BARX2: variants seen among roughly 807,000 people sequenced by gnomAD.
BARX2 encodes BARX homeobox 2, also known as homeobox protein BarH-like 2.
A neutral mutation model predicts 25.5 loss-of-function variants in BARX2; 11 were observed. The observed-to-expected ratio is 0.43, with a 90% confidence interval of 0.27 to 0.71. The LOEUF (loss-of-function observed/expected upper bound fraction) is 0.71, where lower values mean the gene tolerates loss of function less well. Ranked by LOEUF, BARX2 falls within the 30% of genes least tolerant of loss-of-function variation. BARX2 has a pLI of 0.19. For synonymous variants in BARX2, 137 were observed against 149.5 expected, an observed-to-expected ratio of 0.92 and a Z score of 0.61; for missense variants, 360 against 359.9, an observed-to-expected ratio of 1.00 and a Z score of 0.00.
chr11:129,397,742 G>A (rs1861736709), intron 1 of BARX2, among the ~76,000 whole-genome samples: 1 of 152,216 alleles, frequency 6.6e-6, no homozygotes, highest in Admixed American at 6.5e-5. Flanking sequence ...ATTCCATGAT[G>A]GGGGAAGGTG....
At chr11:129,388,719 C>A (rs951590158) in intron 1 of BARX2, among the ~76,000 whole-genome samples, 33 of 152,098 alleles carry the variant, frequency 2.2e-4, no homozygotes, top group African/African-American at 7.5e-4. Flanking sequence ...TTTTAAAAAC[C>A]TTTCTGTATG....
At chr11:129,446,050 C>T (rs1490549333) in intron 3 of BARX2, among the ~76,000 whole-genome samples, 8 of 152,142 alleles carry the variant, frequency 5.3e-5, no homozygotes, top group Admixed American at 5.2e-4. Context: ...GCATCTCTGA[C>T]GAATTCTGAC....
At chr11:129,442,577 T>A in intron 2 of BARX2, 1 of 473,574 alleles carries the variant, frequency 2.1e-6, no homozygotes, top group Admixed American at 3.3e-5. Context: ...TCAGGTCCCT[T>A]GCAGACCGTG....
intron 1 of BARX2, among the ~76,000 whole-genome samples, chr11:129,417,939 A>G (rs1861962731): frequency 6.6e-6 from 1 of 152,254 alleles, no homozygotes; most frequent in South Asian, 2.1e-4. Context: ...CAGTTTAAAA[A>G]TAGATACTTT....
At chr11:129,393,377 G>T (rs189304282) in intron 1 of BARX2, among the ~76,000 whole-genome samples, 1 of 152,270 alleles carries the variant, frequency 6.6e-6, no homozygotes, top group Admixed American at 6.5e-5. Context: ...AGAGTAGATA[G>T]ATCCTCAGTA....
At chr11:129,432,182 C>T (rs2135409343) in intron 1 of BARX2, among the ~76,000 whole-genome samples, 1 of 152,210 alleles carries the variant, frequency 6.6e-6, no homozygotes, top group Middle Eastern at 3.4e-3. Flanking sequence ...TATGACTCAG[C>T]CTCACAAGTA....
chr11:129,432,551 GT>G (rs1452300071), intron 1 of BARX2, among the ~76,000 whole-genome samples: 1 of 152,092 alleles, frequency 6.6e-6, no homozygotes, highest in Non-Finnish European at 1.5e-5. Flanking sequence ...CACCCACAAT[GT>G]TTGTTTTACT....
Position 129,375,961 on chromosome 11 carries a change from C to A in BARX2, c.-75C>A. The A allele has an allele frequency of 1.1e-6, 1 of 936,928 alleles. No homozygotes were observed. The highest frequency in any genetic ancestry group is 1.3e-6 in the Non-Finnish European group (1 of 777,516). 58.0% of individuals were successfully genotyped at this position (936,928 alleles called of 1,614,324 possible). Reference sequence around the variant, plus strand: ...GAGCGGGGCCCAGGCCCCGCCGTCGCGCCAGCCCCGCGGCCCCAGCGGGCC... The same window carrying A: ...GAGCGGGGCCCAGGCCCCGCCGTCGAGCCAGCCCCGCGGCCCCAGCGGGCC... On this transcript the variant is annotated 5_prime_UTR_variant, in exon 1 of 4. Transcript: ENST00000281437. The surrounding 1 kb of genome is among the most constrained non-coding windows in gnomAD (Gnocchi z 4.0).
In BARX2 at chr11:129,422,760, A is replaced by G. The variant is rs201678610; in HGVS notation, c.188-13991A>G. Reference sequence around the variant, plus strand: ...CTCTTTTCGCCCGGACTGGAGTGCAATGGCACCATCTCGGCTCACGGAAAC... The same window carrying G: ...CTCTTTTCGCCCGGACTGGAGTGCAGTGGCACCATCTCGGCTCACGGAAAC... On this transcript the variant is annotated intron_variant, in intron 1 of 3. Transcript: ENST00000281437. Among the ~76,000 whole-genome samples, 15 of 148,782 alleles carry G rather than the reference A, an allele frequency of 1.0e-4. No homozygotes were observed. In the East Asian group the frequency reaches 1.2e-3, roughly 12 times the overall value.
intron 1 of BARX2, among the ~76,000 whole-genome samples, chr11:129,379,723 T>C (rs1365083210): frequency 6.6e-6 from 1 of 152,136 alleles, no homozygotes; most frequent in African/African-American, 2.4e-5. Context: ...ATAAGGATTG[T>C]TACAATTACC....
At chr11:129,402,713 C>T (rs73569135) in intron 1 of BARX2, among the ~76,000 whole-genome samples, 68 of 152,332 alleles carry the variant, frequency 4.5e-4, no homozygotes, top group African/African-American at 1.4e-3. Flanking sequence ...GGTTAACTCT[C>T]TTTGTCTCAG....
At chr11:129,378,983 A>G (rs1256237832) in intron 1 of BARX2, among the ~76,000 whole-genome samples, 2 of 152,198 alleles carry the variant, frequency 1.3e-5, no homozygotes, top group Non-Finnish European at 2.9e-5. Flanking sequence ...TTTTCATCTC[A>G]GGCAGATAAT....
At chr11:129,400,305 G>GTAA (rs1861762741) in intron 1 of BARX2, among the ~76,000 whole-genome samples, 1 of 152,150 alleles carries the variant, frequency 6.6e-6, no homozygotes, top group African/African-American at 2.4e-5. Context: ...TGTGAAAAAG[G>GTAA]TAATAAGCAT....
In BARX2 at chr11:129,395,258, A is replaced by G. The variant is rs78832725; in HGVS notation, c.187+19036A>G. Among the ~76,000 whole-genome samples the G allele has an allele frequency of 7.5e-3, 1,136 of 152,262 alleles. 18 individuals are homozygous for G. Among genetic ancestry groups the G allele is most frequent in the African/African-American group, 0.026 (1,069 of 41,528 alleles). ...TGTGCCGAGCCTAGAGAGTCTATTTAGTTCCCGTAGGCTGGTTTCTGGGAT... is the reference window on the plus strand; with the variant it reads ...TGTGCCGAGCCTAGAGAGTCTATTTGGTTCCCGTAGGCTGGTTTCTGGGAT... On this transcript the variant is annotated intron_variant, in intron 1 of 3. Coordinates refer to ENST00000281437, the MANE Select transcript of BARX2 (RefSeq NM_003658.5).
intron 1 of BARX2, among the ~76,000 whole-genome samples, chr11:129,404,415 A>G (rs1049440355): frequency 2.0e-5 from 3 of 152,254 alleles, no homozygotes; most frequent in Non-Finnish European, 2.9e-5. Context: ...AGGGTGACAC[A>G]TAGCAGAGAT....
intron 1 of BARX2, among the ~76,000 whole-genome samples, chr11:129,428,071 C>CAGTTATGT (rs1862086620): frequency 6.6e-6 from 1 of 152,176 alleles, no homozygotes; most frequent in South Asian, 2.1e-4. Context: ...TATGTGATCT[C>CAGTTATGT]CATCCCAGAG....
chr11:129,399,661 G>C (rs1278530566), intron 1 of BARX2, among the ~76,000 whole-genome samples: 2 of 152,152 alleles, frequency 1.3e-5, no homozygotes, highest in Non-Finnish European at 2.9e-5. Context: ...GCAGAGCAAG[G>C]CTACCCCATA....
intron 1 of BARX2, among the ~76,000 whole-genome samples, chr11:129,421,881 T>C (rs1862007901): frequency 6.6e-6 from 1 of 152,238 alleles, no homozygotes; most frequent in Non-Finnish European, 1.5e-5. Flanking sequence ...TTGGCAAATT[T>C]GTATACTTTT....
chr11:129,410,851 G>A (rs1861879285), intron 1 of BARX2, among the ~76,000 whole-genome samples: 1 of 152,164 alleles, frequency 6.6e-6, no homozygotes, highest in Non-Finnish European at 1.5e-5. Flanking sequence ...GCCCTCTGCT[G>A]TGCCTGACTC....
Sources: allele counts gnomAD v4.1 joint callset (sites outside exome capture counted in the v4.1 genomes callset), GRCh38; gene constraint gnomAD v4.1.1; non-coding constraint Gnocchi (gnomAD v3.1); transcripts MANE v1.5; gene names NCBI Gene and HGNC (gene_info 2026-07-23, HGNC 2026-07-21).